HBE1: variants seen among roughly 807,000 people sequenced by gnomAD.
The protein encoded by HBE1 is hemoglobin subunit epsilon 1, also known as hemoglobin subunit epsilon.
A neutral mutation model predicts 12.1 loss-of-function variants in HBE1; 10 were observed. The ratio of observed to expected loss-of-function variants is 0.83; its 90% CI spans 0.51 to 1.40. The LOEUF is 1.40. Among genes scored for constraint, HBE1 ranks in the 40% most tolerant of loss-of-function variants. The pLI, the probability that HBE1 is intolerant of heterozygous loss-of-function variation, is 0.00. For missense variants in HBE1, 172 were observed against 175.8 expected, an observed-to-expected ratio of 0.98 and a Z score of 0.12; for synonymous variants, 78 against 70.4, an observed-to-expected ratio of 1.11 and a Z score of -0.54.
Position 5,268,594 on chromosome 11 carries a change from G to A in HBE1, c.319C>T (p.Leu107=). ...AGAATAATCACCATCACGTTACCCAGGAGCTGTTAGGCAAAAGACAAAATA... is the reference window on the plus strand; with the variant it reads ...AGAATAATCACCATCACGTTACCCAAGAGCTGTTAGGCAAAAGACAAAATA... ...LHVDPENFKL[L]GNVMVIILAT... Residue 107 remains leucine (L), a synonymous_variant, in exon 3 of 3, where the codon CTG becomes TTG. Coordinates refer to ENST00000396895, the MANE Select transcript of HBE1 (RefSeq NM_005330.4). 3.7e-6 allele frequency: 6 copies of A among 1,613,466 alleles called. No individual in the cohort carries two copies. The highest frequency in any genetic ancestry group is 4.2e-6 in the Non-Finnish European group (5 of 1,179,580).
intron 2 of HBE1, among the ~76,000 whole-genome samples, chr11:5,268,955 C>T (rs1350989083): frequency 6.6e-6 from 1 of 152,116 alleles, no homozygotes; most frequent in Non-Finnish European, 1.5e-5. Flanking sequence ...TTAAAATCCC[C>T]AACAAATTCG....
At chr11:5,269,735 T>C in intron 1 of HBE1, 59 bp from the exon 2 acceptor site, 2 of 1,568,578 alleles carry the variant, frequency 1.3e-6, no homozygotes, top group South Asian at 1.1e-5. Context: ...TTGAGGACTT[T>C]CCCAATCAAC....
At position 5,269,842 on chromosome 11, in the gene HBE1, T is replaced by G; in HGVS notation, c.49A>C (p.Ser17Arg). The G allele has an allele frequency of 6.2e-7, 1 of 1,614,026 alleles. No individual in the cohort carries two copies. The highest frequency in any genetic ancestry group is 8.5e-7 in the Non-Finnish European group (1 of 1,179,920). ...EEKAAVTSLW[S>R]KMNVEEAGGE... is the part of the protein sequence containing the mutation. ...CCAGCCTCTTCCACATTCATCTTGCTCCACAGGCTAGTGACGGCAGCCTTC... is the reference window on the plus strand; with the variant it reads ...CCAGCCTCTTCCACATTCATCTTGCGCCACAGGCTAGTGACGGCAGCCTTC... Residue 17 changes from serine to arginine, a missense_variant, in exon 1 of 3, where the codon AGC (serine) becomes CGC (arginine). Ser to Arg is a moderately radical substitution (Grantham distance 110, BLOSUM62 -1). Coordinates refer to ENST00000396895, the MANE Select transcript of HBE1 (RefSeq NM_005330.4).
Position 5,269,438 on chromosome 11 carries a change from C to G in HBE1, c.315+16G>C. 6.4e-7 allele frequency: 1 copy of G among 1,572,158 alleles called. No individual in the cohort carries two copies. Among genetic ancestry groups the G allele is most frequent in the Non-Finnish European group, 8.8e-7 (1 of 1,141,764 alleles). On this transcript the variant is annotated intron_variant, in intron 2 of 2. Coordinates refer to ENST00000396895, the MANE Select transcript of HBE1 (RefSeq NM_005330.4). ...ATATAAAGCCAAAAAATCACATCAC[C>G]AGCACCTGAACTCACCTTGAAGTTC...
Position 5,269,634 on chromosome 11 carries a change from G to A in HBE1, c.135C>T (p.Ser45=). ...VYPWTQRFFD[S]FGNLSSPSAI... Reference sequence around the variant, plus strand: ...CAGAGGGAGACGACAGGTTTCCAAAGCTGTCAAAAAATCTCTGGGTCCAGG... The same window carrying A: ...CAGAGGGAGACGACAGGTTTCCAAAACTGTCAAAAAATCTCTGGGTCCAGG... The change falls in exon 2 of 3, where the codon AGC becomes AGT. Residue 45 remains serine, a synonymous_variant. Transcript: ENST00000396895. 3 of 1,613,604 alleles carry A rather than the reference G, an allele frequency of 1.9e-6. No homozygotes were observed. The highest frequency in any genetic ancestry group is 2.5e-6 in the Non-Finnish European group (3 of 1,179,526).
Position 5,268,444 on chromosome 11 carries a change from G to A in HBE1, c.*25C>T, listed in dbSNP as rs767309585. On this transcript the variant is annotated 3_prime_UTR_variant, in exon 3 of 3. Transcript: ENST00000396895. ...CAGAAGGAGGGTGTCAGGGTCACAGGAACACCTGCAAACTGGAAGAGAACT... is the reference window on the plus strand; with the variant it reads ...CAGAAGGAGGGTGTCAGGGTCACAGAAACACCTGCAAACTGGAAGAGAACT... 1 of 1,608,364 alleles carries A rather than the reference G, an allele frequency of 6.2e-7. No individual in the cohort carries two copies. Among genetic ancestry groups the A allele is most frequent in the Non-Finnish European group, 8.5e-7 (1 of 1,175,688 alleles).
At position 5,268,482 on chromosome 11, in the gene HBE1, T is replaced by A. The variant is rs750655920; in HGVS notation, c.431A>T (p.His144Leu). ...LVSAVAIALAHKYH is the reference protein window; with the variant it reads ...LVSAVAIALALKYH ...CTGGAAGAGAACTCAGTGGTACTTA[T>A]GGGCCAGGGCAATGGCGACAGCAGA... Residue 144 changes from histidine to leucine, a missense_variant, in exon 3 of 3, where the codon CAT becomes CTT. Transcript: ENST00000396895. 6.2e-7 allele frequency: 1 copy of A among 1,613,684 alleles called. No homozygotes were observed. Among genetic ancestry groups the A allele is most frequent in the African/African-American group, 1.3e-5 (1 of 74,914 alleles).
intron 2 of HBE1, among the ~76,000 whole-genome samples, chr11:5,269,245 T>A (rs1848165670): frequency 6.6e-6 from 1 of 152,196 alleles, no homozygotes; most frequent in Non-Finnish European, 1.5e-5. Flanking sequence ...CCTGAAAAGT[T>A]AAGCCAATTC....
intron 2 of HBE1, among the ~76,000 whole-genome samples, chr11:5,268,943 G>T (rs1236644777): frequency 6.6e-6 from 1 of 152,154 alleles, no homozygotes; most frequent in African/African-American, 2.4e-5. Flanking sequence ...CTCAGCGGGA[G>T]TTTAAAATCC....
rs916181299 is a variant in HBE1, at chr11:5,269,466, A to G, written c.303T>C (p.Pro101=). The change falls in exon 2 of 3, where the codon CCT becomes CCC. Residue 101 remains proline (P), a synonymous_variant. Transcript: ENST00000396895. ...CACCTGAACTCACCTTGAAGTTCTC[A>G]GGATCCACATGCAGCTTGTCACAGT... The part of the protein sequence containing the change: ...ELHCDKLHVD[P]ENFKLLGNVM... 2.5e-6 allele frequency: 4 copies of G among 1,613,118 alleles called. No homozygotes were observed. The South Asian group carries it at 4.4e-5, about 18-fold the overall frequency.
intron 1 of HBE1, 30 bp from the exon 2 acceptor site, chr11:5,269,706 A>G: frequency 6.3e-7 from 1 of 1,585,314 alleles, no homozygotes; most frequent in Non-Finnish European, 8.7e-7. Context: ...CAGATACAAA[A>G]TTAGAGATGC....
Position 5,269,454 on chromosome 11 carries a change from C to T in HBE1, c.315G>A (p.Lys105=), listed in dbSNP as rs867385099. Residue 105 remains lysine, a splice_region_variant and synonymous_variant, in exon 2 of 3, where the codon AAG becomes AAA. Coordinates refer to ENST00000396895, the MANE Select transcript of HBE1 (RefSeq NM_005330.4). ...TCACATCACCAGCACCTGAACTCAC[C>T]TTGAAGTTCTCAGGATCCACATGCA... The part of the protein sequence containing the change: ...DKLHVDPENF[K]LLGNVMVIIL... The T allele has an allele frequency of 6.2e-7, 1 of 1,610,558 alleles. No homozygotes were observed. Among genetic ancestry groups the T allele is most frequent in the Non-Finnish European group, 8.5e-7 (1 of 1,176,756 alleles).
Position 5,268,593 on chromosome 11 carries a change from A to T in HBE1, c.320T>A (p.Leu107Gln). The T allele has an allele frequency of 1.9e-6, 3 of 1,611,840 alleles. No individual in the cohort carries two copies. Among genetic ancestry groups the T allele is most frequent in the South Asian group, 2.2e-5 (2 of 90,978 alleles). Residue 107 changes from leucine (L) to glutamine (Q), a missense_variant, in exon 3 of 3, where the codon CTG (leucine) becomes CAG (glutamine). Physicochemically the swap from Leu to Gln is moderately radical, Grantham distance 113. Transcript: ENST00000396895. The stretch of plus-strand genomic sequence containing the variant: ...CAGAATAATCACCATCACGTTACCC[A>T]GGAGCTGTTAGGCAAAAGACAAAAT... ...LHVDPENFKL[L>Q]GNVMVIILAT... is the part of the protein sequence containing the mutation.
Position 5,269,614 on chromosome 11 carries a change from G to C in HBE1, c.155C>G (p.Pro52Arg), listed in dbSNP as rs1848169910. ...CTTGGGGTTGCCCAGGATGGCAGAG[G>C]GAGACGACAGGTTTCCAAAGCTGTC... ...FFDSFGNLSS[P>R]SAILGNPKVK... Residue 52 changes from proline to arginine, a missense_variant, in exon 2 of 3, where the codon CCC (proline) becomes CGC (arginine). Transcript: ENST00000396895. 1.2e-6 allele frequency: 2 copies of C among 1,613,564 alleles called. No homozygotes were observed. Among genetic ancestry groups the C allele is most frequent in the Non-Finnish European group, 1.7e-6 (2 of 1,179,508 alleles).
rs1848158004 is a variant in HBE1, at chr11:5,268,501, C to G, written c.412G>C (p.Val138Leu). The change falls in exon 3 of 3, where the codon GTC becomes CTC. Residue 138 changes from valine (V) to leucine (L), a missense_variant. By Grantham distance (32) the Val-to-Leu change is conservative. Coordinates refer to ENST00000396895, the MANE Select transcript of HBE1 (RefSeq NM_005330.4). Reference protein sequence around the residue: ...QAAWQKLVSAVAIALAHKYH With the variant: ...QAAWQKLVSALAIALAHKYH ...TACTTATGGGCCAGGGCAATGGCGA[C>G]AGCAGACACCAGCTTCTGCCAGGCA... is the stretch of plus-strand genomic sequence containing the variant. 1.2e-6 allele frequency: 2 copies of G among 1,613,896 alleles called. No individual in the cohort carries two copies. Among genetic ancestry groups the G allele is most frequent in the African/African-American group, 1.3e-5 (1 of 75,026 alleles).
At chr11:5,268,685 A>AC in intron 2 of HBE1, 88 bp from the exon 3 acceptor site, 2,815 of 1,300,458 alleles carry the variant, frequency 2.2e-3, no homozygotes, top group East Asian at 4.7e-3. Context: ...AAACAAACAA[A>AC]AACGGCTTTA....
Position 5,268,495 on chromosome 11 carries a change from T to C in HBE1, c.418A>G (p.Ile140Val), listed in dbSNP as rs769085506. 26 of 1,613,824 alleles carry C rather than the reference T, an allele frequency of 1.6e-5. No individual in the cohort carries two copies. The highest frequency in any genetic ancestry group is 2.2e-5 in the South Asian group (2 of 91,076). The change falls in exon 3 of 3, where the codon ATT becomes GTT. Residue 140 changes from isoleucine to valine, a missense_variant. Physicochemically the swap from Ile to Val is conservative, Grantham distance 29 (BLOSUM62 3). Transcript: ENST00000396895. ...CAGTGGTACTTATGGGCCAGGGCAA[T>C]GGCGACAGCAGACACCAGCTTCTGC... Reference protein sequence around the residue: ...AWQKLVSAVAIALAHKYH With the variant: ...AWQKLVSAVAVALAHKYH
Position 5,268,427 on chromosome 11 carries a change from G to T in HBE1, c.*42C>A. On this transcript the variant is annotated 3_prime_UTR_variant, in exon 3 of 3. Coordinates refer to ENST00000396895, the MANE Select transcript of HBE1 (RefSeq NM_005330.4). ...AGCCCAGTCCCCATGTGCAGAAGGA[G>T]GGTGTCAGGGTCACAGGAACACCTG... The T allele has an allele frequency of 6.3e-7, 1 of 1,586,666 alleles. No individual in the cohort carries two copies. Among genetic ancestry groups the T allele is most frequent in the Non-Finnish European group, 8.6e-7 (1 of 1,158,692 alleles).
rs758295345 is a variant in HBE1, at chr11:5,269,930, T to C, written c.-40A>G. The C allele has an allele frequency of 6.9e-7, 1 of 1,444,098 alleles. No individual in the cohort carries two copies. Among genetic ancestry groups the C allele is most frequent in the South Asian group, 1.1e-5 (1 of 87,410 alleles). The allele number at this position is 1,444,098 out of a possible 1,614,324, so 89.5% of individuals were successfully genotyped here. A position where few individuals can be genotyped will look rare whatever the true frequency, so the allele number is the denominator to read the frequency against. ...GAGCTTGCTAGTGATTGCAGCTGTG[T>C]CGGAAGCAGATATGTGCTGCTGCCT... is the stretch of plus-strand genomic sequence containing the variant. On this transcript the variant is annotated 5_prime_UTR_variant, in exon 1 of 3. Transcript: ENST00000396895.
Sources: allele counts gnomAD v4.1 joint callset (sites outside exome capture counted in the v4.1 genomes callset), GRCh38; gene constraint gnomAD v4.1.1; transcripts MANE v1.5; gene names NCBI Gene and HGNC (gene_info 2026-07-23, HGNC 2026-07-21).